Variants in TDRD12 observed in about 807,000 individuals in gnomAD.
TDRD12 encodes the protein tudor domain containing 12, also known as putative ATP-dependent RNA helicase TDRD12.
A neutral mutation model predicts 133.5 loss-of-function variants in TDRD12; 158 were observed. The ratio of observed to expected loss-of-function variants is 1.18; its 90% CI spans 1.04 to 1.35. TDRD12 has a LOEUF of 1.35. Among genes scored for constraint, TDRD12 ranks in the 40% most tolerant of loss-of-function variants. The pLI, the probability that TDRD12 is intolerant of heterozygous loss-of-function variation, is 0.00. For synonymous variants in TDRD12, 460 were observed against 477.9 expected (o/e 0.96, Z 0.49); for missense variants, 1,443 against 1,321.3 (o/e 1.09, Z -1.43).
intron 4 of TDRD12, among the ~76,000 whole-genome samples, chr19:32,744,776 C>T (rs1272039045): frequency 6.6e-6 from 1 of 152,022 alleles, no homozygotes; most frequent in Non-Finnish European, 1.5e-5. Context: ...CCCATCCTCC[C>T]ACCCGGTGCT....
intron 4 of TDRD12, among the ~76,000 whole-genome samples, chr19:32,744,447 C>T (rs192856572): frequency 2.8e-3 from 359 of 128,936 alleles, no homozygotes; most frequent in Middle Eastern, 0.011. Context: ...TTGCAGTGAG[C>T]CAAGATTGCG....
At chr19:32,751,660 G>T (rs780992295) in intron 6 of TDRD12, among the ~76,000 whole-genome samples, 1 of 147,784 alleles carries the variant, frequency 6.8e-6, no homozygotes, top group Non-Finnish European at 1.5e-5. Context: ...GCTTGCTGCA[G>T]CCTCAACCTC....
chr19:32,719,963 G>A lies in TDRD12; in HGVS notation c.-110G>A, dbSNP rs75585075. 2,758 of 1,353,928 alleles carry A rather than the reference G, an allele frequency of 2.0e-3. 44 individuals carry two copies. In the African/African-American group the frequency reaches 0.035, roughly 17 times the overall value. The allele number at this position is 1,353,928 out of a possible 1,614,324, so 83.9% of individuals were successfully genotyped here. A position where few individuals can be genotyped will look rare whatever the true frequency, so the allele number is the denominator to read the frequency against. On this transcript the variant is annotated 5_prime_UTR_variant, in exon 1 of 28. Coordinates refer to ENST00000444215, the Ensembl canonical transcript of TDRD12. ...GCCCAGGCGCTAAAGGTGGAGGGAA[G>A]GAACGCACTCGCGGCGGGGGCCTGG...
At chr19:32,813,694 A>C (rs1408833850) in exon 25 of TDRD12, 4 of 1,527,500 alleles carry the variant, frequency 2.6e-6, no homozygotes, top group Non-Finnish European at 3.5e-6. Context: ...GTTACTAGGT[A>C]CATTCATCAT....
At chr19:32,810,363 T>A in intron 23 of TDRD12, 86 bp downstream of exon 23, 1 of 1,123,554 alleles carries the variant, frequency 8.9e-7, no homozygotes, top group Middle Eastern at 2.2e-4. Flanking sequence ...CCTCTGTCCA[T>A]TTGACTGAGT....
intron 6 of TDRD12, 106 bp downstream of exon 6, chr19:32,749,975 A>G (rs1821820685): frequency 1.2e-6 from 1 of 824,460 alleles, no homozygotes; most frequent in South Asian, 1.9e-5. Context: ...CAGCATAGAA[A>G]TTGTCTTAAT....
At chr19:32,826,685 C>A in intron 9 of TDRD12, 1 of 1,232,388 alleles carries the variant, frequency 8.1e-7, no homozygotes, top group African/African-American at 1.5e-5. Flanking sequence ...TTGAACAGAA[C>A]CCCAACGTGG....
At chr19:32,772,636 A>T (rs957205988) in intron 8 of TDRD12, 117 bp from the exon 9 acceptor site, 6 of 617,552 alleles carry the variant, frequency 9.7e-6, no homozygotes, top group Middle Eastern at 9.0e-4. Flanking sequence ...ATTCCATAAA[A>T]ATTTAACATA....
chr19:32,774,800 T>C (rs1568470432), intron 10 of TDRD12, among the ~76,000 whole-genome samples: 1 of 152,058 alleles, frequency 6.6e-6, no homozygotes, highest in African/African-American at 2.4e-5. Flanking sequence ...CTGGCCAACA[T>C]GGTGAAACCC....
chr19:32,749,681 A>G (rs1969764754), intron 5 of TDRD12, 103 bp from the exon 6 acceptor site: 2 of 815,800 alleles, frequency 2.5e-6, no homozygotes, highest in Admixed American at 5.5e-5. Flanking sequence ...ACATTTGGGC[A>G]CTCTTAAGTG....
chr19:32,775,886 G>A (rs972300267), intron 10 of TDRD12, among the ~76,000 whole-genome samples: 2 of 152,132 alleles, frequency 1.3e-5, no homozygotes, highest in African/African-American at 4.8e-5. Context: ...TGAATGTTAT[G>A]TTGCGAGATT....
chr19:32,742,753 A>C (rs1486146038), intron 3 of TDRD12, 28 bp from the exon 4 acceptor site: 1 of 1,547,568 alleles, frequency 6.5e-7, no homozygotes, highest in Non-Finnish European at 8.7e-7. Flanking sequence ...TTTCTATATA[A>C]TGGAGCTGTT....
At chr19:32,759,376 A>G (rs1970087524) in intron 8 of TDRD12, among the ~76,000 whole-genome samples, 1 of 151,588 alleles carries the variant, frequency 6.6e-6, no homozygotes, top group South Asian at 2.1e-4. Flanking sequence ...GGGGTAGACT[A>G]GAAGGCCCCT....
chr19:32,762,081 A>G (rs1395880371), intron 8 of TDRD12, among the ~76,000 whole-genome samples: 3 of 152,130 alleles, frequency 2.0e-5, no homozygotes, highest in Non-Finnish European at 4.4e-5. Context: ...TACATTTTGG[A>G]TAACAATCCT....
At position 32,725,277 on chromosome 19, in the gene TDRD12, C is replaced by T. The variant is rs1024377967; in HGVS notation, c.24+5181C>T. On this transcript the variant is annotated intron_variant, in intron 1 of 27. Transcript: ENST00000444215. ...GCTTTTGATGTTTTTGTCATGAAATCGTTGCCGTTGCCTATGTGTTGAATG... is the reference window on the plus strand; with the variant it reads ...GCTTTTGATGTTTTTGTCATGAAATTGTTGCCGTTGCCTATGTGTTGAATG... 3.3e-5 allele frequency among the ~76,000 whole-genome samples: 5 copies of T among 151,462 alleles called. No homozygotes were observed. The East Asian group carries it at 5.8e-4, about 18-fold the overall frequency.
chr19:32,725,345 T>G (rs1183331149), intron 1 of TDRD12, among the ~76,000 whole-genome samples: 1 of 152,120 alleles, frequency 6.6e-6, no homozygotes, highest in East Asian at 1.9e-4. Context: ...TTTATAGTTT[T>G]AGGTTTTACA....
intron 5 of TDRD12, among the ~76,000 whole-genome samples, chr19:32,749,564 A>C (rs1969761006): frequency 6.6e-6 from 1 of 151,912 alleles, no homozygotes; most frequent in African/African-American, 2.4e-5. Context: ...AGAAGAGAGG[A>C]CCACAGGGTG....
At chr19:32,761,311 T>C (rs1355794168) in intron 8 of TDRD12, among the ~76,000 whole-genome samples, 1 of 152,106 alleles carries the variant, frequency 6.6e-6, no homozygotes, top group African/African-American at 2.4e-5. Context: ...TTTGTATTTT[T>C]AGTAGAGACG....
intron 8 of TDRD12, among the ~76,000 whole-genome samples, chr19:32,766,615 GC>G: frequency 6.9e-6 from 1 of 145,158 alleles, no homozygotes; most frequent in East Asian, 2.0e-4. Flanking sequence ...TAGCTTATTA[GC>G]CATAATTTTT....
Sources: allele counts gnomAD v4.1 joint callset (sites outside exome capture counted in the v4.1 genomes callset), GRCh38; gene constraint gnomAD v4.1.1; transcripts MANE v1.5; gene names NCBI Gene and HGNC (gene_info 2026-07-23, HGNC 2026-07-21).